PTPRD: variants seen among roughly 807,000 people sequenced by gnomAD.
PTPRD encodes receptor-type tyrosine-protein phosphatase delta.
A neutral mutation model predicts 214.5 loss-of-function variants in PTPRD; 34 were observed. The observed-to-expected ratio is 0.16, with a 90% confidence interval of 0.12 to 0.21. The LOEUF (loss-of-function observed/expected upper bound fraction) is 0.21. Ranked by LOEUF, PTPRD falls within the 10% of genes least tolerant of loss-of-function variation. The probability of loss-of-function intolerance (pLI) is 1.00; values close to 1 mark genes in which losing one functional copy is unlikely to be tolerated. For synonymous variants in PTPRD, 1,128 were observed against 845.7 expected, an observed-to-expected ratio of 1.33 and a Z score of -5.79; for missense variants, 2,545 against 2,398.7, an observed-to-expected ratio of 1.06 and a Z score of -1.27.
intron 33 of PTPRD, among the ~76,000 whole-genome samples, chr9:8,452,867 G>T (rs1412670399): frequency 6.6e-6 from 1 of 152,186 alleles, no homozygotes; most frequent in African/African-American, 2.4e-5. Context: ...TTGAGTGAAA[G>T]ATCAATTCAT....
chr9:10,040,425 C>T (rs930307887), intron 3 of PTPRD, among the ~76,000 whole-genome samples: 8 of 151,952 alleles, frequency 5.3e-5, no homozygotes, highest in African/African-American at 1.9e-4. Context: ...CTGAGAATTC[C>T]AATTATACAG....
chr9:10,079,822 T>A (rs982448249), intron 3 of PTPRD, among the ~76,000 whole-genome samples: 3 of 152,118 alleles, frequency 2.0e-5, no homozygotes, highest in South Asian at 4.1e-4. Context: ...ATAGGTCTAT[T>A]GTCACCGACC....
intron 10 of PTPRD, among the ~76,000 whole-genome samples, chr9:9,106,699 A>T (rs898800565): frequency 6.6e-6 from 1 of 151,994 alleles, no homozygotes; most frequent in Admixed American, 6.6e-5. Context: ...GAATTTAAGA[A>T]ATATTGAGCA....
At chr9:9,703,284 T>G (rs1305574347) in intron 7 of PTPRD, among the ~76,000 whole-genome samples, 1 of 152,166 alleles carries the variant, frequency 6.6e-6, no homozygotes, top group African/African-American at 2.4e-5. Flanking sequence ...TGTGAGTCAA[T>G]TAAACTCTTT....
At chr9:8,927,023 G>C (rs778332618) in intron 11 of PTPRD, among the ~76,000 whole-genome samples, 1 of 151,988 alleles carries the variant, frequency 6.6e-6, no homozygotes, top group Admixed American at 6.6e-5. Flanking sequence ...GCAACCTTTT[G>C]ACAGAGGAGG....
At position 9,185,022 on chromosome 9, in the gene PTPRD, C is replaced by T. The variant is rs528571339; in HGVS notation, c.-202-1659G>A. Among the ~76,000 whole-genome samples the T allele has an allele frequency of 2.0e-5, 3 of 152,102 alleles. No individual in the cohort carries two copies. In the East Asian group the frequency reaches 5.8e-4, roughly 30 times the overall value. The stretch of plus-strand genomic sequence containing the variant: ...ATGCTTGCAAAACTGTTCTTATAGG[C>T]CTCTATTTGTGGGTTTTAGGTAAGA... On this transcript the variant is annotated intron_variant, in intron 9 of 45. Coordinates refer to ENST00000381196, the MANE Select transcript of PTPRD (RefSeq NM_002839.4).
chr9:10,102,296 G>A (rs1163320745), intron 3 of PTPRD, among the ~76,000 whole-genome samples: 2 of 151,372 alleles, frequency 1.3e-5, no homozygotes, highest in Non-Finnish European at 3.0e-5. Context: ...ACATTCTGTT[G>A]CCTGGGGTAT....
intron 9 of PTPRD, among the ~76,000 whole-genome samples, chr9:9,350,600 T>C (rs1436059877): frequency 2.0e-5 from 3 of 152,086 alleles, no homozygotes; most frequent in Non-Finnish European, 4.4e-5. Context: ...ACATTGGTCA[T>C]AAATATCTTT....
rs917904819 is a variant in PTPRD, at chr9:8,488,132, T to TA, written c.2468-1784dup. 6.6e-5 allele frequency among the ~76,000 whole-genome samples: 10 copies of TA among 152,034 alleles called. No homozygotes were observed. The South Asian group carries it at 1.5e-3, about 22-fold the overall frequency. On this transcript the variant is annotated intron_variant, in intron 27 of 45. Coordinates refer to ENST00000381196, the MANE Select transcript of PTPRD (RefSeq NM_002839.4). ...CATACCATGGGGATATAGATGAAGG[T>TA]AAAAAAATCACTAAAAAGATTATGA... is the stretch of plus-strand genomic sequence containing the variant.
chr9:8,752,344 C>A (rs2093617023), intron 11 of PTPRD, among the ~76,000 whole-genome samples: 1 of 152,078 alleles, frequency 6.6e-6, no homozygotes, highest in South Asian at 2.1e-4. Flanking sequence ...AGTGCCATGG[C>A]AGTTTACAGA....
chr9:8,749,234 T>A lies in PTPRD; in HGVS notation c.-103-15288A>T, dbSNP rs534932738. On this transcript the variant is annotated intron_variant, in intron 11 of 45. Transcript: ENST00000381196. ...TCTCGCTCTGTCGCCCAGGCTGGAG[T>A]GCAGTGGCACCATCTCAGCTCCCAG... is the stretch of plus-strand genomic sequence containing the variant. Among the ~76,000 whole-genome samples the A allele has an allele frequency of 2.6e-5, 4 of 152,286 alleles. No individual in the cohort carries two copies. The South Asian group carries it at 8.3e-4, about 32-fold the overall frequency.
chr9:8,629,920 G>T (rs11795266), intron 14 of PTPRD, among the ~76,000 whole-genome samples: 9 of 151,724 alleles, frequency 5.9e-5, no homozygotes, highest in East Asian at 3.9e-4. Flanking sequence ...TGAGAGTAAG[G>T]GTAATTTGAA....
At chr9:9,603,007 G>C (rs1407012985) in intron 7 of PTPRD, among the ~76,000 whole-genome samples, 3 of 151,464 alleles carry the variant, frequency 2.0e-5, no homozygotes, top group Non-Finnish European at 4.4e-5. Flanking sequence ...AAATACACTA[G>C]TAAAAGAGTA....
intron 2 of PTPRD, among the ~76,000 whole-genome samples, chr9:10,382,546 T>C (rs916213953): frequency 6.6e-6 from 1 of 151,902 alleles, no homozygotes; most frequent in Non-Finnish European, 1.5e-5. Context: ...TAGGATAAAA[T>C]AGAGATTATG....
intron 2 of PTPRD, among the ~76,000 whole-genome samples, chr9:10,388,068 A>G (rs935152235): frequency 4.6e-5 from 7 of 151,774 alleles, no homozygotes. Flanking sequence ...CATTAAGCAG[A>G]GAATTGCAAC....
At chr9:9,965,844 A>C (rs925381908) in intron 4 of PTPRD, among the ~76,000 whole-genome samples, 2 of 152,230 alleles carry the variant, frequency 1.3e-5, no homozygotes, top group Admixed American at 6.5e-5. Context: ...AGCATGACAT[A>C]CAGTAGGTGT....
intron 14 of PTPRD, among the ~76,000 whole-genome samples, chr9:8,570,531 C>T (rs1045559927): frequency 8.5e-4 from 130 of 152,220 alleles, no homozygotes; most frequent in African/African-American, 3.0e-3. Context: ...AATAAATACA[C>T]TTAAGAGAGG....
At position 9,863,995 on chromosome 9, in the gene PTPRD, T is replaced by A. The variant is rs568365535; in HGVS notation, c.-368+74512A>T. 5.9e-5 allele frequency among the ~76,000 whole-genome samples: 9 copies of A among 152,252 alleles called. No individual in the cohort carries two copies. The South Asian group carries it at 1.9e-3, about 32-fold the overall frequency. On this transcript the variant is annotated intron_variant, in intron 5 of 45. Transcript: ENST00000381196. ...TAGAAATATCCAAAAGATTGTTCCA[T>A]ATGAGGCCTAGTAAGTTTGAAAGGT...
At chr9:9,947,464 CTATATATTATATATATTTTA>C (rs2092825644) in intron 4 of PTPRD, among the ~76,000 whole-genome samples, 3 of 18,840 alleles carry the variant, frequency 1.6e-4, no homozygotes, top group Non-Finnish European at 2.3e-4. Flanking sequence ...TTTATATATA[CTATATATTATATATATTTTA>C]TATATATTAT....
Sources: gnomAD v4.1 joint callset for allele counts (sites outside exome capture counted in the v4.1 genomes callset) on GRCh38, gnomAD v4.1.1 for gene constraint, MANE v1.5 for transcripts, NCBI Gene and HGNC (gene_info 2026-07-23, HGNC 2026-07-21) for gene names.